The following SCHIP1 variants were observed in gnomAD, a reference collection of about 807,000 sequenced individuals.
SCHIP1 encodes schwannomin interacting protein 1.
SCHIP1 carries 8 observed loss-of-function variants against 29.7 expected under a neutral mutation model. The ratio of observed to expected loss-of-function variants is 0.27; its 90% CI spans 0.16 to 0.49. SCHIP1 has a LOEUF of 0.49. SCHIP1 is among the 20% of genes least tolerant of loss of function. The pLI, the probability that SCHIP1 is intolerant of heterozygous loss-of-function variation, is 0.99. For missense variants in SCHIP1, 193 were observed against 294.6 expected (o/e 0.66, Z 2.52); for synonymous variants, 76 against 94.9 (o/e 0.80, Z 1.16).
At chr3:159,632,458 C>A in the SCHIP1 span, among the ~76,000 whole-genome samples, 42 of 152,262 alleles carry the variant, frequency 2.8e-4, no homozygotes, top group African/African-American at 9.6e-4. Context: ...CAGGGCGAGG[C>A]CTTTGGCTGT....
chr3:159,847,866 C>A (rs1181801892), intron 1 of SCHIP1, among the ~76,000 whole-genome samples: 1 of 152,030 alleles, frequency 6.6e-6, no homozygotes, highest in East Asian at 1.9e-4. Flanking sequence ...AATTGAAAAG[C>A]AAACCAAATT....
chr3:159,500,749 T>C, the SCHIP1 span, among the ~76,000 whole-genome samples: 1 of 151,932 alleles, frequency 6.6e-6, no homozygotes, highest in Non-Finnish European at 1.5e-5. Flanking sequence ...AAAAATATTA[T>C]TGACCCCCAT....
At chr3:159,804,115 C>T in the SCHIP1 span, among the ~76,000 whole-genome samples, 1 of 152,178 alleles carries the variant, frequency 6.6e-6, no homozygotes, top group South Asian at 2.1e-4. Context: ...TCCCTGGTCC[C>T]TGCAGTTGTA....
chr3:159,388,922 A>G, the SCHIP1 span, among the ~76,000 whole-genome samples: 1 of 152,144 alleles, frequency 6.6e-6, no homozygotes, highest in East Asian at 1.9e-4. Context: ...TGGCCTAACA[A>G]TCTAAATATA....
the SCHIP1 span, among the ~76,000 whole-genome samples, chr3:159,551,556 A>G: frequency 6.6e-6 from 1 of 152,184 alleles, no homozygotes; most frequent in Non-Finnish European, 1.5e-5. Flanking sequence ...TTCACTGGTA[A>G]CATTTGAAAT....
upstream of SCHIP1, among the ~76,000 whole-genome samples, chr3:159,839,628 C>CTTTTTTTTTT (rs3068349): frequency 2.6e-4 from 19 of 71,770 alleles, 2 homozygotes; most frequent in African/African-American, 7.2e-4. Flanking sequence ...AGGTCTTTTT[C>CTTTTTTTTTT]TTTTTTTTTT....
chr3:159,738,990 T>C, the SCHIP1 span, among the ~76,000 whole-genome samples: 1 of 152,222 alleles, frequency 6.6e-6, no homozygotes, highest in African/African-American at 2.4e-5. Flanking sequence ...AGTAGGCTAG[T>C]AGGGGTTTCA....
chr3:159,851,651 T>C (rs989746122), intron 1 of SCHIP1, among the ~76,000 whole-genome samples: 2 of 152,200 alleles, frequency 1.3e-5, no homozygotes, highest in African/African-American at 4.8e-5. Context: ...TCCTTCAAAC[T>C]AGAGCATACT....
chr3:159,709,223 T>C, the SCHIP1 span, among the ~76,000 whole-genome samples: 2 of 151,842 alleles, frequency 1.3e-5, no homozygotes, highest in Non-Finnish European at 1.5e-5. Flanking sequence ...GTGGGGTTGG[T>C]GGGGAAGGGA....
intron 2 of SCHIP1, among the ~76,000 whole-genome samples, chr3:159,877,232 C>A (rs1715918293): frequency 6.6e-6 from 1 of 152,164 alleles, no homozygotes; most frequent in African/African-American, 2.4e-5. Flanking sequence ...CGCCTATAAT[C>A]CCAGCTACTC....
the SCHIP1 span, among the ~76,000 whole-genome samples, chr3:159,279,447 A>C: frequency 6.6e-6 from 1 of 152,182 alleles, no homozygotes; most frequent in African/African-American, 2.4e-5. Context: ...GGACTAATAC[A>C]CATGCCATAC....
chr3:159,380,190 A>AAGAT, the SCHIP1 span, among the ~76,000 whole-genome samples: 3,160 of 152,264 alleles, frequency 0.021, 71 homozygotes, highest in Non-Finnish European at 0.028. Context: ...TTGACTTTTA[A>AAGAT]AGATAGGCAG....
intron 1 of SCHIP1, among the ~76,000 whole-genome samples, chr3:159,845,144 G>A (rs1711611516): frequency 6.6e-6 from 1 of 152,172 alleles, no homozygotes; most frequent in Admixed American, 6.5e-5. Flanking sequence ...AGTGCCATCA[G>A]TTCTTAGCTG....
the SCHIP1 span, among the ~76,000 whole-genome samples, chr3:159,728,308 AG>A: frequency 6.6e-6 from 1 of 152,134 alleles, no homozygotes; most frequent in East Asian, 1.9e-4. Flanking sequence ...CTCTCTGGGT[AG>A]GTGGCCAATA....
At chr3:159,561,335 G>C in the SCHIP1 span, among the ~76,000 whole-genome samples, 48 of 152,174 alleles carry the variant, frequency 3.2e-4, no homozygotes, top group African/African-American at 9.2e-4. Context: ...ACCCCACTGG[G>C]TTTTCCTCCA....
the SCHIP1 span, among the ~76,000 whole-genome samples, chr3:159,828,443 A>ATATATATACATG: frequency 1.0e-5 from 1 of 100,480 alleles, no homozygotes; most frequent in Non-Finnish European, 1.9e-5. Context: ...ATATATACGT[A>ATATATATACATG]TATATATACG....
the SCHIP1 span, among the ~76,000 whole-genome samples, chr3:159,704,908 ATTTCTTTCTTTC>A: frequency 7.3e-4 from 31 of 42,630 alleles, 1 homozygote; most frequent in South Asian, 2.1e-3. Context: ...TTCTTTCTTT[ATTTCTTTCTTTC>A]TTTCTTTCTT....
intron 1 of SCHIP1, among the ~76,000 whole-genome samples, chr3:159,855,905 AAAGATTATGCTTCT>A (rs1382418750): frequency 6.6e-6 from 1 of 152,242 alleles, no homozygotes; most frequent in Non-Finnish European, 1.5e-5. Context: ...AAAGGAAGAA[AAAGATTATGCTTCT>A]GTTCTTTTTC....
the SCHIP1 span, among the ~76,000 whole-genome samples, chr3:159,681,513 T>C: frequency 6.6e-6 from 1 of 152,324 alleles, no homozygotes; most frequent in Admixed American, 6.5e-5. Context: ...ATTGCAATCA[T>C]AGCATGGATA....
Sources: gnomAD v4.1 joint callset for allele counts (sites outside exome capture counted in the v4.1 genomes callset) on GRCh38, gnomAD v4.1.1 for gene constraint, MANE v1.5 for transcripts, NCBI Gene and HGNC (gene_info 2026-07-23, HGNC 2026-07-21) for gene names.